Variants in LUM observed in about 807,000 individuals in gnomAD.
LUM encodes KSPG lumican.
Under a neutral mutation model 20.5 loss-of-function variants are expected in LUM, and 13 were observed. That is an observed-to-expected ratio of 0.63 (90% CI 0.41 to 1.01). The LOEUF (loss-of-function observed/expected upper bound fraction) is 1.01. Ranked by LOEUF, LUM falls within the 50% of genes least tolerant of loss-of-function variation. LUM has a pLI of 0.00. For synonymous variants in LUM, 173 were observed against 151.5 expected (o/e 1.14, Z -1.04); for missense variants, 321 against 391.1 (o/e 0.82, Z 1.51).
intron 2 of LUM, among the ~76,000 whole-genome samples, chr12:91,107,900 G>C (rs932542602): frequency 6.6e-6 from 1 of 152,006 alleles, no homozygotes; most frequent in East Asian, 1.9e-4. Flanking sequence ...ATTTTTAGTA[G>C]AGATGGGGTT....
rs755824968 is a variant in LUM at position 91,104,281 on chromosome 12, A to G, written c.901T>C (p.Leu301=). 111 of 1,612,444 alleles carry G rather than the reference A, an allele frequency of 6.9e-5. 2 individuals are homozygous for G. The Admixed American group carries it at 1.8e-3, about 27-fold the overall frequency. Residue 301 remains leucine (L), a synonymous_variant, in exon 3 of 3, where the codon TTA becomes CTA. Transcript: ENST00000266718. ...IKSFCKILGP[L]SYSKIKHLRL... ...AAATGCTTGATCTTGGAGTAGGATA[A>G]TGGCCCCAGGATCTTGCAGAAGCTC... is the stretch of plus-strand genomic sequence containing the variant.
Position 91,108,848 on chromosome 12 carries a change from A to G in LUM, c.132T>C (p.Pro44=), listed in dbSNP as rs1306401212. Residue 44 remains proline, a synonymous_variant, in exon 2 of 3, where the codon CCT becomes CCC. Transcript: ENST00000266718. This position sits in a 1 kb window ranked among gnomAD's most constrained non-coding sequence, Gnocchi z 4.2. The stretch of plus-strand genomic sequence containing the variant: ...AGTACATGGCACTTGGGTAGCTTTC[A>G]GGGCAGTTACATTCTGGTGCACAGT... The part of the protein sequence containing the change: ...SPNCAPECNC[P]ESYPSAMYCD... 6.2e-7 allele frequency: 1 copy of G among 1,614,108 alleles called. No homozygotes were observed. Among genetic ancestry groups the G allele is most frequent in the East Asian group, 2.2e-5 (1 of 44,842 alleles).
At chr12:91,105,190 A>T (rs758435633) in intron 2 of LUM, among the ~76,000 whole-genome samples, 1 of 152,174 alleles carries the variant, frequency 6.6e-6, no homozygotes, top group Non-Finnish European at 1.5e-5. Flanking sequence ...CATTTGAGAA[A>T]GTGAGGAAAA....
At chr12:91,110,540 T>TC (rs1880181664) in intron 1 of LUM, among the ~76,000 whole-genome samples, 1 of 152,190 alleles carries the variant, frequency 6.6e-6, no homozygotes, top group Non-Finnish European at 1.5e-5. Context: ...GATGACATAT[T>TC]CCCAGAGTTA....
chr12:91,108,897 G>C lies in LUM; in HGVS notation c.83C>G (p.Ser28Ter). The change falls in exon 2 of 3, where the codon TCA becomes TGA. Residue 28 changes from serine to a stop codon, truncating the protein, a stop_gained. Transcript: ENST00000266718. LOFTEE classifies it high-confidence loss of function. This position sits in a 1 kb window ranked among gnomAD's most constrained non-coding sequence, Gnocchi z 4.2. ...GTTTGGTGATGATTGCCCATAAATT[G>C]ATAGGGGAAAATCATAATCATAGTA... ...GQYYDYDFPLSIYGQSSPNCA... is the reference protein window; with the variant it reads ...GQYYDYDFPL 1 of 1,613,916 alleles carries C rather than the reference G, an allele frequency of 6.2e-7. No individual in the cohort carries two copies. The highest frequency in any genetic ancestry group is 8.5e-7 in the Non-Finnish European group (1 of 1,179,914).
chr12:91,107,995 G>A, intron 2 of LUM, 123 bp downstream of exon 2: 1 of 1,131,584 alleles, frequency 8.8e-7, no homozygotes, highest in Non-Finnish European at 1.3e-6. Context: ...TTACAGGAAT[G>A]AGCCACAGCG....
At chr12:91,109,172 G>C (rs570109117) in intron 1 of LUM, among the ~76,000 whole-genome samples, 172 bp from the exon 2 acceptor site, 2 of 152,308 alleles carry the variant, frequency 1.3e-5, no homozygotes, top group South Asian at 4.1e-4. Context: ...GGACAAAGGT[G>C]TATGTTTACA....
rs201469919 is a variant in LUM at position 91,107,346 on chromosome 12, GGAAA to G, written c.862+768_862+771del. Among the ~76,000 whole-genome samples, 2,147 of 132,584 alleles carry G rather than the reference GGAAA, an allele frequency of 0.016. 46 individuals carry two copies. The East Asian group carries it at 0.17, about 11-fold the overall frequency. 87.0% of individuals were successfully genotyped at this position (132,584 alleles called of 152,430 possible). A position where few individuals can be genotyped will look rare whatever the true frequency, so the allele number is the denominator to read the frequency against. On this transcript the variant is annotated intron_variant, in intron 2 of 2. Transcript: ENST00000266718. ...GAAAGAAAGAAAGAAAGAAAGAAAGGGAAAGAAAGGAAGGAAGAAAGAAAAAGAG... is the reference window on the plus strand; with the variant it reads ...GAAAGAAAGAAAGAAAGAAAGAAAGGGAAAGGAAGGAAGAAAGAAAAAGAG...
chr12:91,105,187 G>A (rs1592661593), intron 2 of LUM, among the ~76,000 whole-genome samples: 2 of 152,186 alleles, frequency 1.3e-5, no homozygotes, highest in Admixed American at 1.3e-4. Flanking sequence ...CAACATTTGA[G>A]AAAGTGAGGA....
chr12:91,106,389 A>G (rs990587084), intron 2 of LUM, among the ~76,000 whole-genome samples: 1 of 152,104 alleles, frequency 6.6e-6, no homozygotes, highest in African/African-American at 2.4e-5. Flanking sequence ...TTTTTCATTT[A>G]GAAAGCCTTA....
At chr12:91,107,364 A>G (rs1414935983) in intron 2 of LUM, among the ~76,000 whole-genome samples, 1 of 151,212 alleles carries the variant, frequency 6.6e-6, no homozygotes, top group African/African-American at 2.4e-5. Flanking sequence ...AGGAAGGAAG[A>G]AAGAAAAAGA....
rs1879944658 is a variant in LUM at position 91,103,108 on chromosome 12, T to C, written c.*1057A>G. ...GCTGAAAGCTGTTATTACTGGATTA[T>C]GAACTCAAAACCTATGATCCAGACA... On this transcript the variant is annotated 3_prime_UTR_variant, in exon 3 of 3. Coordinates refer to ENST00000266718, the MANE Select transcript of LUM (RefSeq NM_002345.4). The C allele has an allele frequency of 6.6e-6, 1 of 152,140 alleles. No homozygotes were observed. The highest frequency in any genetic ancestry group is 6.6e-5 in the Admixed American group (1 of 15,256). 9.4% of individuals were successfully genotyped at this position (152,140 alleles called of 1,614,324 possible).
intron 2 of LUM, among the ~76,000 whole-genome samples, chr12:91,107,291 A>AAGAAAGAAAG (rs1880089355): frequency 1.9e-5 from 2 of 103,502 alleles, no homozygotes; most frequent in African/African-American, 4.0e-5. Context: ...AAGAAAGAGA[A>AAGAAAGAAAG]AGAAAGAAAG....
Position 91,108,082 on chromosome 12 carries a change from A to G in LUM, c.862+36T>C, listed in dbSNP as rs893994182. Reference sequence around the variant, plus strand: ...TGCAGCCCAGGTATTTAAACACTTGAGCACACATCAAACACAGGAACAGCT... The same window carrying G: ...TGCAGCCCAGGTATTTAAACACTTGGGCACACATCAAACACAGGAACAGCT... On this transcript the variant is annotated intron_variant, in intron 2 of 2. Coordinates refer to ENST00000266718, the MANE Select transcript of LUM (RefSeq NM_002345.4). This position sits in a 1 kb window ranked among gnomAD's most constrained non-coding sequence, Gnocchi z 4.2. 14 of 1,609,224 alleles carry G rather than the reference A, an allele frequency of 8.7e-6. No individual in the cohort carries two copies. The highest frequency in any genetic ancestry group is 1.2e-5 in the Non-Finnish European group (14 of 1,176,112).
intron 2 of LUM, among the ~76,000 whole-genome samples, chr12:91,107,850 G>A (rs1880116612): frequency 1.3e-5 from 2 of 152,004 alleles, no homozygotes; most frequent in South Asian, 4.2e-4. Context: ...TGAGTAGCTG[G>A]GATTACAGAA....
rs1880114999 is a variant in LUM at position 91,107,778 on chromosome 12, C to G, written c.862+340G>C. 2.0e-5 allele frequency among the ~76,000 whole-genome samples: 3 copies of G among 151,840 alleles called. No individual in the cohort carries two copies. The South Asian group carries it at 6.2e-4, about 31-fold the overall frequency. On this transcript the variant is annotated intron_variant, in intron 2 of 2. Transcript: ENST00000266718. ...TTGCCCAGGCTTGAGTACAGTGGCA[C>G]GATCTCGGCTCACTGCAACCTCTAT...
intron 2 of LUM, among the ~76,000 whole-genome samples, chr12:91,105,709 T>C (rs113578625): frequency 2.8e-3 from 419 of 152,322 alleles, no homozygotes; most frequent in African/African-American, 9.9e-3. Flanking sequence ...ATGACCACTA[T>C]GTACTGGGCA....
intron 2 of LUM, among the ~76,000 whole-genome samples, chr12:91,106,690 T>TAAAAAAA (rs374164456): frequency 4.3e-4 from 39 of 90,590 alleles, no homozygotes; most frequent in East Asian, 9.1e-4. Context: ...ATTTTTCTTC[T>TAAAAAAA]AAAAAAAAAA....
At chr12:91,106,711 A>C (rs7136335) in intron 2 of LUM, among the ~76,000 whole-genome samples, 16 of 147,120 alleles carry the variant, frequency 1.1e-4, no homozygotes, top group South Asian at 6.7e-4. Context: ...AAAAAAAAAA[A>C]GATGTTAGAA....
Sources: allele counts gnomAD v4.1 joint callset (sites outside exome capture counted in the v4.1 genomes callset), GRCh38; gene constraint gnomAD v4.1.1; non-coding constraint Gnocchi (gnomAD v3.1); transcripts MANE v1.5; gene names NCBI Gene and HGNC (gene_info 2026-07-23, HGNC 2026-07-21).